STPG2: variants seen among roughly 807,000 people sequenced by gnomAD.
The protein encoded by STPG2 is sperm tail PG-rich repeat containing 2.
A neutral mutation model predicts 54.2 loss-of-function variants in STPG2; 56 were observed. That is an observed-to-expected ratio of 1.03 (90% CI 0.83 to 1.29). The LOEUF (loss-of-function observed/expected upper bound fraction) is 1.29. STPG2 is among the 50% of genes most tolerant of loss of function. The pLI is 0.00. For missense variants in STPG2, 596 were observed against 544.9 expected (o/e 1.09, Z -0.93); for synonymous variants, 200 against 181.8 (o/e 1.10, Z -0.81).
At chr4:98,019,117 G>A (rs1460834528) in intron 5 of STPG2, among the ~76,000 whole-genome samples, 3 of 152,112 alleles carry the variant, frequency 2.0e-5, no homozygotes, top group African/African-American at 4.8e-5. Context: ...GAATGGTATT[G>A]CCTAGGTTTT....
intron 4 of STPG2, among the ~76,000 whole-genome samples, chr4:97,449,420 A>G (rs1437614828): frequency 3.9e-5 from 6 of 152,184 alleles, no homozygotes; most frequent in African/African-American, 9.6e-5. Flanking sequence ...ACCATTCAAC[A>G]TATCAATGAA....
At chr4:97,873,843 A>T (rs1467648334) in intron 8 of STPG2, among the ~76,000 whole-genome samples, 1 of 151,650 alleles carries the variant, frequency 6.6e-6, no homozygotes, top group Non-Finnish European at 1.5e-5. Flanking sequence ...ACATGGAGCT[A>T]TTCAGTCAAT....
intron 5 of STPG2, chr4:98,025,687 T>C (rs1162745869): frequency 3.4e-6 from 4 of 1,179,658 alleles, no homozygotes; most frequent in Non-Finnish European, 5.0e-6. Context: ...CGTATTGTAC[T>C]GGCCTCCTGC....
chr4:98,130,416 G>A (rs577826846), intron 2 of STPG2, among the ~76,000 whole-genome samples: 19 of 152,098 alleles, frequency 1.2e-4, no homozygotes, highest in Non-Finnish European at 2.2e-4. Flanking sequence ...GGCCACAAGT[G>A]ATCTGCCCCC....
At chr4:97,792,287 C>T (rs749279950) in intron 9 of STPG2, among the ~76,000 whole-genome samples, 1 of 152,092 alleles carries the variant, frequency 6.6e-6, no homozygotes, top group Non-Finnish European at 1.5e-5. Flanking sequence ...AAATCAGCAC[C>T]TCTTAACGTT....
chr4:97,657,392 C>A (rs1229352524), intron 10 of STPG2, among the ~76,000 whole-genome samples: 1 of 152,086 alleles, frequency 6.6e-6, no homozygotes, highest in Non-Finnish European at 1.5e-5. Flanking sequence ...TATAGCTTTA[C>A]ACATATTTCT....
At chr4:97,799,535 T>G (rs1424144812) in intron 9 of STPG2, among the ~76,000 whole-genome samples, 5 of 152,180 alleles carry the variant, frequency 3.3e-5, no homozygotes, top group Non-Finnish European at 5.9e-5. Flanking sequence ...GCTTGTAGAG[T>G]TTCTGCCGAG....
chr4:97,849,219 C>T (rs1023019441), intron 8 of STPG2, among the ~76,000 whole-genome samples: 18 of 150,208 alleles, frequency 1.2e-4, no homozygotes, highest in African/African-American at 4.2e-4. Context: ...CCTTCACATC[C>T]CTTGTAAGTT....
intron 8 of STPG2, among the ~76,000 whole-genome samples, chr4:97,847,625 C>A (rs1364640595): frequency 2.6e-5 from 4 of 152,142 alleles, no homozygotes; most frequent in Non-Finnish European, 5.9e-5. Context: ...CTAATTCCTG[C>A]AGCATAACAT....
intron 4 of STPG2, among the ~76,000 whole-genome samples, chr4:97,550,597 A>G (rs1307720044): frequency 6.6e-6 from 1 of 152,220 alleles, no homozygotes; most frequent in African/African-American, 2.4e-5. Context: ...ATTATTTACT[A>G]TAACTGTGTC....
chr4:98,055,832 C>T (rs1432961983), intron 5 of STPG2, among the ~76,000 whole-genome samples: 1 of 152,176 alleles, frequency 6.6e-6, no homozygotes, highest in Non-Finnish European at 1.5e-5. Context: ...GCTGGCCTCT[C>T]TCAGGGCCCA....
At chr4:97,539,770 G>A (rs1024187434) in intron 4 of STPG2, among the ~76,000 whole-genome samples, 4 of 149,654 alleles carry the variant, frequency 2.7e-5, no homozygotes, top group Admixed American at 6.6e-5. Context: ...GCACCACACC[G>A]CACCTATTCT....
intron 4 of STPG2, among the ~76,000 whole-genome samples, chr4:97,460,654 T>G (rs1211768542): frequency 6.6e-6 from 1 of 152,138 alleles, no homozygotes; most frequent in East Asian, 1.9e-4. Context: ...CAAGTATAAT[T>G]TAATGAATTT....
At chr4:97,928,822 T>C (rs1252507328) in intron 8 of STPG2, among the ~76,000 whole-genome samples, 1 of 152,188 alleles carries the variant, frequency 6.6e-6, no homozygotes, top group Admixed American at 6.6e-5. Flanking sequence ...GTTTATATTC[T>C]GTCTTATAAT....
At chr4:97,442,595 T>C (rs894941066) in intron 4 of STPG2, among the ~76,000 whole-genome samples, 3 of 152,108 alleles carry the variant, frequency 2.0e-5, no homozygotes, top group African/African-American at 7.2e-5. Context: ...TGTGTCCATC[T>C]GTAATGATAA....
At chr4:97,534,092 T>G (rs533614080) in intron 4 of STPG2, among the ~76,000 whole-genome samples, 2 of 152,274 alleles carry the variant, frequency 1.3e-5, no homozygotes, top group Middle Eastern at 6.8e-3. Context: ...TTTAAAATTT[T>G]AGGCATATAA....
intron 9 of STPG2, among the ~76,000 whole-genome samples, chr4:97,731,422 C>T (rs1016569095): frequency 5.9e-5 from 9 of 152,236 alleles, no homozygotes; most frequent in South Asian, 4.1e-4. Context: ...TTTTTAGCCA[C>T]GTGCCTCTTC....
intron 3 of STPG2, among the ~76,000 whole-genome samples, chr4:98,113,601 T>A (rs76516117): frequency 5.3e-5 from 8 of 152,014 alleles, no homozygotes; most frequent in Admixed American, 5.2e-4. Context: ...TTCTTCACTA[T>A]GGACATTCAG....
intron 10 of STPG2, among the ~76,000 whole-genome samples, chr4:97,634,597 AT>A (rs1721437399): frequency 6.6e-6 from 1 of 150,410 alleles, no homozygotes; most frequent in African/African-American, 2.4e-5. Flanking sequence ...TTTGAAAAAA[AT>A]TTAGAAGAAT....
Sources: gnomAD v4.1 joint callset for allele counts (sites outside exome capture counted in the v4.1 genomes callset) on GRCh38, gnomAD v4.1.1 for gene constraint, MANE v1.5 for transcripts, NCBI Gene and HGNC (gene_info 2026-07-23, HGNC 2026-07-21) for gene names.